The following GABRB1 variants were observed in gnomAD, a reference collection of about 807,000 sequenced individuals.
GABRB1 encodes gamma-aminobutyric acid type A receptor subunit beta1, also known as gamma-aminobutyric acid receptor subunit beta-1.
A neutral mutation model predicts 51.6 loss-of-function variants in GABRB1; 17 were observed. That is an observed-to-expected ratio of 0.33 (90% CI 0.23 to 0.49). The LOEUF is 0.49. Among genes scored for constraint, GABRB1 ranks in the 20% least tolerant of loss-of-function variants. The pLI is 0.99. For synonymous variants in GABRB1, 247 were observed against 218.9 expected, an observed-to-expected ratio of 1.13 and a Z score of -1.14; for missense variants, 410 against 600.6, an observed-to-expected ratio of 0.68 and a Z score of 3.32.
intron 3 of GABRB1, among the ~76,000 whole-genome samples, chr4:47,070,038 C>T (rs374000655): frequency 2.0e-4 from 29 of 142,696 alleles, no homozygotes; most frequent in South Asian, 2.2e-4. Flanking sequence ...TTTTTTTTTT[C>T]TTTTCTTTTC....
intron 3 of GABRB1, among the ~76,000 whole-genome samples, chr4:47,079,413 G>C (rs574071812): frequency 6.6e-6 from 1 of 152,010 alleles, no homozygotes; most frequent in South Asian, 2.1e-4. Flanking sequence ...GGTGTTTATA[G>C]TATTCTCTGA....
intron 1 of GABRB1, among the ~76,000 whole-genome samples, chr4:46,996,852 G>C (rs1385639524): frequency 6.6e-6 from 1 of 152,042 alleles, no homozygotes; most frequent in Non-Finnish European, 1.5e-5. Context: ...GATTCAACCT[G>C]TTCCTCTTTT....
chr4:47,007,436 A>G (rs1577818985), intron 1 of GABRB1, among the ~76,000 whole-genome samples: 1 of 152,228 alleles, frequency 6.6e-6, no homozygotes, highest in East Asian at 1.9e-4. Context: ...TACGCTTCTC[A>G]GTAACTAAAG....
chr4:47,260,635 A>C (rs1722392176), intron 4 of GABRB1, among the ~76,000 whole-genome samples: 1 of 152,132 alleles, frequency 6.6e-6, no homozygotes, highest in Admixed American at 6.5e-5. Flanking sequence ...TCTTTTCTTT[A>C]AAAATGTTGA....
intron 4 of GABRB1, among the ~76,000 whole-genome samples, chr4:47,246,352 AT>A (rs1258527875): frequency 1.0e-4 from 2 of 19,446 alleles, no homozygotes; most frequent in African/African-American, 3.3e-4. Flanking sequence ...ATATATATAT[AT>A]ATATATATAT....
chr4:47,039,864 A>G (rs1246880788), intron 3 of GABRB1, among the ~76,000 whole-genome samples: 1 of 152,192 alleles, frequency 6.6e-6, no homozygotes, highest in African/African-American at 2.4e-5. Flanking sequence ...CTGCATGCTA[A>G]AAGCAAGTTG....
intron 3 of GABRB1, among the ~76,000 whole-genome samples, chr4:47,075,073 A>C (rs936997950): frequency 6.6e-6 from 1 of 152,214 alleles, no homozygotes; most frequent in Admixed American, 6.6e-5. Flanking sequence ...TGTATAAGTC[A>C]TTTCTGTTTC....
intron 3 of GABRB1, among the ~76,000 whole-genome samples, chr4:47,063,432 G>A (rs375998771): frequency 1.6e-4 from 24 of 152,284 alleles, no homozygotes; most frequent in Non-Finnish European, 3.5e-4. Context: ...CACAATGGAT[G>A]GTAGCTGTGT....
chr4:47,337,508 G>T (rs61411613), intron 5 of GABRB1, among the ~76,000 whole-genome samples: 1 of 151,948 alleles, frequency 6.6e-6, no homozygotes, highest in African/African-American at 2.4e-5. Context: ...GACAGAATAA[G>T]GAATGCATAG....
intron 4 of GABRB1, among the ~76,000 whole-genome samples, chr4:47,281,743 G>T (rs945696467): frequency 6.6e-6 from 1 of 152,084 alleles, no homozygotes; most frequent in Non-Finnish European, 1.5e-5. Context: ...TGTAACAAAT[G>T]GATGGAACTA....
At chr4:47,202,508 T>C (rs1369281545) in intron 4 of GABRB1, among the ~76,000 whole-genome samples, 1 of 152,210 alleles carries the variant, frequency 6.6e-6, no homozygotes, top group Non-Finnish European at 1.5e-5. Flanking sequence ...AAACTATAAG[T>C]TTTGAGATCA....
intron 3 of GABRB1, among the ~76,000 whole-genome samples, chr4:47,049,679 T>C (rs1297023672): frequency 6.6e-6 from 1 of 152,194 alleles, no homozygotes; most frequent in Non-Finnish European, 1.5e-5. Flanking sequence ...AAAATCTTGG[T>C]TTCTTTTGGC....
At chr4:47,163,043 G>A (rs1718029041) in intron 4 of GABRB1, among the ~76,000 whole-genome samples, 1 of 152,004 alleles carries the variant, frequency 6.6e-6, no homozygotes, top group African/African-American at 2.4e-5. Context: ...ATCCTGGAAA[G>A]GCCATAAGGT....
chr4:47,007,048 G>A (rs533565249), intron 1 of GABRB1, among the ~76,000 whole-genome samples: 15 of 151,938 alleles, frequency 9.9e-5, no homozygotes, highest in South Asian at 2.1e-4. Context: ...GCTGGGGTCC[G>A]AGGATTGCTT....
intron 3 of GABRB1, among the ~76,000 whole-genome samples, chr4:47,083,601 G>T (rs1265496736): frequency 6.6e-6 from 1 of 151,980 alleles, no homozygotes; most frequent in Non-Finnish European, 1.5e-5. Context: ...ACTAAACTGG[G>T]GTAATATTCC....
rs577174811 is a variant in GABRB1 at position 47,216,789 on chromosome 4, TA to T, written c.461+55325del. Among the ~76,000 whole-genome samples the T allele has an allele frequency of 1.3e-3, 191 of 152,038 alleles. 1 individual carries two copies. Among genetic ancestry groups the T allele is most frequent in the African/African-American group, 4.5e-3 (186 of 41,544 alleles). Reference sequence around the variant, plus strand: ...TAGCGAAGTGGTACAGCCATTTTGATAAAAAGCTAAGTTATAGCTAATAAAC... The same window carrying T: ...TAGCGAAGTGGTACAGCCATTTTGATAAAAGCTAAGTTATAGCTAATAAAC... On this transcript the variant is annotated intron_variant, in intron 4 of 8. Transcript: ENST00000295454.
chr4:47,409,584 G>A (rs1231335008), intron 8 of GABRB1, among the ~76,000 whole-genome samples: 1 of 152,108 alleles, frequency 6.6e-6, no homozygotes, highest in East Asian at 1.9e-4. Context: ...GGTTTATATG[G>A]GTACAGTATG....
intron 4 of GABRB1, among the ~76,000 whole-genome samples, chr4:47,292,325 C>A (rs1244334934): frequency 6.6e-6 from 1 of 152,150 alleles, no homozygotes; most frequent in Admixed American, 6.5e-5. Flanking sequence ...TTGTAAATTG[C>A]CCAGTCTTGG....
At chr4:47,375,936 A>G (rs573480696) in intron 5 of GABRB1, among the ~76,000 whole-genome samples, 1 of 152,334 alleles carries the variant, frequency 6.6e-6, no homozygotes, top group South Asian at 2.1e-4. Flanking sequence ...GAATGTTTGG[A>G]GGAGAAGATG....
Sources: allele counts gnomAD v4.1 joint callset (sites outside exome capture counted in the v4.1 genomes callset), GRCh38; gene constraint gnomAD v4.1.1; transcripts MANE v1.5; gene names NCBI Gene and HGNC (gene_info 2026-07-23, HGNC 2026-07-21).